EPHB3: variants seen among roughly 807,000 people sequenced by gnomAD.
EPHB3 encodes ephrin type-B receptor 3.
A neutral mutation model predicts 100.2 loss-of-function variants in EPHB3; 33 were observed. The ratio of observed to expected loss-of-function variants is 0.33; its 90% confidence interval spans 0.25 to 0.44. The LOEUF (loss-of-function observed/expected upper bound fraction) is 0.44, where lower values mean the gene tolerates loss of function less well. Ranked by LOEUF, EPHB3 falls within the 20% of genes least tolerant of loss-of-function variation. The pLI is 1.00. For synonymous variants in EPHB3, 526 were observed against 554.7 expected, an observed-to-expected ratio of 0.95 and a Z score of 0.73; for missense variants, 1,045 against 1,378.3, an observed-to-expected ratio of 0.76 and a Z score of 3.83.
chr3:184,581,670 G>A lies in EPHB3; in HGVS notation c.*48G>A. 7 of 1,497,934 alleles carry A rather than the reference G, an allele frequency of 4.7e-6. No homozygotes were observed. The highest frequency in any genetic ancestry group is 6.3e-6 in the Non-Finnish European group (7 of 1,119,884). The allele number at this position is 1,497,934 out of a possible 1,614,324, so 92.8% of individuals were successfully genotyped here. ...GAGGACCGTGCAGGGATGCCAAGCA[G>A]CCGGCTGGACTTTCGGACTCTTGGA... is the stretch of plus-strand genomic sequence containing the variant. On this transcript the variant is annotated 3_prime_UTR_variant, in exon 16 of 16. Coordinates refer to ENST00000330394, the MANE Select transcript of EPHB3 (RefSeq NM_004443.4).
At position 184,581,238 on chromosome 3, in the gene EPHB3, CTCT is replaced by C; in HGVS notation, c.2733-9_2733-7del. The C allele has an allele frequency of 1.3e-6, 2 of 1,598,126 alleles. No individual in the cohort carries two copies. Among genetic ancestry groups the C allele is most frequent in the South Asian group, 2.3e-5 (2 of 88,016 alleles). On this transcript the variant is annotated splice_polypyrimidine_tract_variant and intron_variant, in intron 14 of 15. Coordinates refer to ENST00000330394, the MANE Select transcript of EPHB3 (RefSeq NM_004443.4). ...CACCTTCAAGACTCACCAGGTCCTTCTCTTCTTCCCACAGCATGTCACAGCCCC... is the reference window on the plus strand; with the variant it reads ...CACCTTCAAGACTCACCAGGTCCTTCTCTTCCCACAGCATGTCACAGCCCC...
chr3:184,581,491 T>C (rs914950607), intron 15 of EPHB3, 23 bp from the exon 16 acceptor site: 2 of 1,607,528 alleles, frequency 1.2e-6, no homozygotes, highest in African/African-American at 2.7e-5. Flanking sequence ...AAGGGACTGA[T>C]CCTAATTTGG....
Position 184,578,184 on chromosome 3 carries a change from G to C in EPHB3, c.1748+178G>C, listed in dbSNP as rs187472946. 5 of 866,378 alleles carry C rather than the reference G, an allele frequency of 5.8e-6. No homozygotes were observed. The highest frequency in any genetic ancestry group is 3.4e-4 in the Middle Eastern group (1 of 2,976). The allele number at this position is 866,378 out of a possible 1,614,324, so 53.7% of individuals were successfully genotyped here. ...CCATCCCTGCCTGTGTCTTCATCCC[G>C]CCCTTTCTCCATACCCCATTCCCTG... On this transcript the variant is annotated intron_variant, in intron 8 of 15. Transcript: ENST00000330394. This position sits in a 1 kb window ranked among gnomAD's most constrained non-coding sequence, Gnocchi z 4.7.
At position 184,581,787 on chromosome 3, in the gene EPHB3, C is replaced by T. The variant is rs899111325; in HGVS notation, c.*165C>T. 1 of 666,346 alleles carries T rather than the reference C, an allele frequency of 1.5e-6. No homozygotes were observed. Among genetic ancestry groups the T allele is most frequent in the South Asian group, 2.0e-5 (1 of 49,180 alleles). 41.3% of individuals were successfully genotyped at this position (666,346 alleles called of 1,614,324 possible). ...CTTCTCCAGGCCTGTGTTCCCTCCC[C>T]AGGAAGTGCGCCCCAAACCTCTTCA... is the stretch of plus-strand genomic sequence containing the variant. On this transcript the variant is annotated 3_prime_UTR_variant, in exon 16 of 16. Transcript: ENST00000330394.
At position 184,564,471 on chromosome 3, in the gene EPHB3, C is replaced by A. The variant is rs930710537; in HGVS notation, c.118+2118C>A. On this transcript the variant is annotated intron_variant, in intron 1 of 15. Transcript: ENST00000330394. ...CAGGATAGGAACCGCACCGACCTCG[C>A]AGAGTTCTTCTGAGTACTGAATTCT... Among the ~76,000 whole-genome samples, 9 of 152,354 alleles carry A rather than the reference C, an allele frequency of 5.9e-5. 1 individual carries two copies. In the South Asian group the frequency reaches 1.9e-3, roughly 32 times the overall value.
Position 184,576,992 on chromosome 3 carries a change from C to T in EPHB3, c.1163C>T (p.Ala388Val). The T allele has an allele frequency of 6.2e-7, 1 of 1,613,714 alleles. No individual in the cohort carries two copies. Among genetic ancestry groups the T allele is most frequent in the East Asian group, 2.2e-5 (1 of 44,876 alleles). The stretch of plus-strand genomic sequence containing the variant: ...TGCCATGGGGCTGGAGGGGCCTCAG[C>T]CTGCTCACGCTGTGATGACAACGTG... ...KKCHGAGGAS[A>V]CSRCDDNVEF... The change falls in exon 5 of 16, where the codon GCC (alanine) becomes GTC (valine). Residue 388 changes from alanine (A) to valine (V), a missense_variant. Around this residue, in one of 2 missense-constraint regions of EPHB3, gnomAD observed 985 missense variants for 1,331.1 expected, o/e 0.74. Coordinates refer to ENST00000330394, the MANE Select transcript of EPHB3 (RefSeq NM_004443.4).
At position 184,578,342 on chromosome 3, in the gene EPHB3, C is replaced by G. The variant is rs1413342650; in HGVS notation, c.1749-72C>G. 6.2e-7 allele frequency: 1 copy of G among 1,606,096 alleles called. No individual in the cohort carries two copies. The highest frequency in any genetic ancestry group is 8.5e-7 in the Non-Finnish European group (1 of 1,174,660). On this transcript the variant is annotated intron_variant, in intron 8 of 15. Coordinates refer to ENST00000330394, the MANE Select transcript of EPHB3 (RefSeq NM_004443.4). The surrounding 1 kb of genome is among the most constrained non-coding windows in gnomAD (Gnocchi z 4.7). Reference sequence around the variant, plus strand: ...GTATCCTCTCCGCCCCTTCTGTGAGCCCAAGGGTGCCCTGAACAAAGGGAG... The same window carrying G: ...GTATCCTCTCCGCCCCTTCTGTGAGGCCAAGGGTGCCCTGAACAAAGGGAG...
rs1443657586 is a variant in EPHB3, at chr3:184,573,945, C to T, written c.856+769C>T. Among the ~76,000 whole-genome samples, 2 of 152,096 alleles carry T rather than the reference C, an allele frequency of 1.3e-5. No homozygotes were observed. Among genetic ancestry groups the T allele is most frequent in the East Asian group, 3.9e-4 (2 of 5,188 alleles). ...GGTCAGGCTGGTCTCGAACTCCTGA[C>T]CTCAAGTGATCCACCCGCCTCGGCC... On this transcript the variant is annotated intron_variant, in intron 3 of 15. Transcript: ENST00000330394. This position sits in a 1 kb window ranked among gnomAD's most constrained non-coding sequence, Gnocchi z 4.5.
chr3:184,566,279 G>A (rs1395501974), intron 1 of EPHB3, among the ~76,000 whole-genome samples: 2 of 152,230 alleles, frequency 1.3e-5, no homozygotes, highest in Non-Finnish European at 2.9e-5. Flanking sequence ...GCACCGAGGC[G>A]TTTGGGCTCC....
At position 184,579,570 on chromosome 3, in the gene EPHB3, G is replaced by A; in HGVS notation, c.1895G>A (p.Cys632Tyr). Residue 632 changes from cysteine (C) to tyrosine (Y), a missense_variant, in exon 10 of 16, where the codon TGC (cysteine) becomes TAC (tyrosine). This residue lies in a region of EPHB3 where 985 missense variants were observed against 1,331.1 expected (regional missense o/e 0.74). Coordinates refer to ENST00000330394, the MANE Select transcript of EPHB3 (RefSeq NM_004443.4). This position sits in a 1 kb window ranked among gnomAD's most constrained non-coding sequence, Gnocchi z 5.2. ...TTTGCCAAGGAGATCGACGTGTCCT[G>A]CGTCAAGATCGAGGAGGTGATCGGA... ...REFAKEIDVSCVKIEEVIGAG... is the reference protein window; with the variant it reads ...REFAKEIDVSYVKIEEVIGAG... 1.2e-6 allele frequency: 2 copies of A among 1,614,044 alleles called. No homozygotes were observed. The highest frequency in any genetic ancestry group is 1.1e-5 in the South Asian group (1 of 91,070).
chr3:184,573,507 C>T lies in EPHB3; in HGVS notation c.856+331C>T, dbSNP rs570050424. Among the ~76,000 whole-genome samples the T allele has an allele frequency of 2.0e-5, 3 of 152,248 alleles. No individual in the cohort carries two copies. Among genetic ancestry groups the T allele is most frequent in the East Asian group, 1.9e-4 (1 of 5,170 alleles). The stretch of plus-strand genomic sequence containing the variant: ...GCTGGCAGAGATGCTCGCTTTGTCC[C>T]GGCCTGAGTGTATGCTTCACCCTGA... On this transcript the variant is annotated intron_variant, in intron 3 of 15. Transcript: ENST00000330394. This position sits in a 1 kb window ranked among gnomAD's most constrained non-coding sequence, Gnocchi z 4.5.
chr3:184,569,145 A>G lies in EPHB3; in HGVS notation c.119-2173A>G, dbSNP rs1714473776. 6.6e-6 allele frequency among the ~76,000 whole-genome samples: 1 copy of G among 151,982 alleles called. No individual in the cohort carries two copies. On this transcript the variant is annotated intron_variant, in intron 1 of 15. Coordinates refer to ENST00000330394, the MANE Select transcript of EPHB3 (RefSeq NM_004443.4). This position sits in a 1 kb window ranked among gnomAD's most constrained non-coding sequence, Gnocchi z 5.4. ...AGGAAGTGAGGGAGAGGGAGGAGGG[A>G]GGCGGCGCGAGGGAGCGGCTGGAGC... is the stretch of plus-strand genomic sequence containing the variant.
In EPHB3 at chr3:184,578,532, C is replaced by T; in HGVS notation, c.1801+66C>T. ...CCCTGCAGGGCTCTCAGACACCCTT[C>T]TCCCTGCCTGGGACTTCATTCCTTA... is the stretch of plus-strand genomic sequence containing the variant. On this transcript the variant is annotated intron_variant, in intron 9 of 15. Transcript: ENST00000330394. The surrounding 1 kb of genome is among the most constrained non-coding windows in gnomAD (Gnocchi z 4.7). 6.2e-7 allele frequency: 1 copy of T among 1,601,392 alleles called. No individual in the cohort carries two copies. The highest frequency in any genetic ancestry group is 8.5e-7 in the Non-Finnish European group (1 of 1,169,966).
rs1239801152 is a variant in EPHB3 at position 184,572,190 on chromosome 3, C to G, written c.184-314C>G. On this transcript the variant is annotated intron_variant, in intron 2 of 15. Coordinates refer to ENST00000330394, the MANE Select transcript of EPHB3 (RefSeq NM_004443.4). This position sits in a 1 kb window ranked among gnomAD's most constrained non-coding sequence, Gnocchi z 6.6. Reference sequence around the variant, plus strand: ...TGAGGTATAAAGATAACAAATATAGCTGATGTTCCTGCAGTACTTACCAAG... The same window carrying G: ...TGAGGTATAAAGATAACAAATATAGGTGATGTTCCTGCAGTACTTACCAAG... Among the ~76,000 whole-genome samples, 2 of 152,220 alleles carry G rather than the reference C, an allele frequency of 1.3e-5. No individual in the cohort carries two copies. The highest frequency in any genetic ancestry group is 4.8e-5 in the African/African-American group (2 of 41,462).
Position 184,562,367 on chromosome 3 carries a change from G to T in EPHB3, c.118+14G>T. The T allele has an allele frequency of 1.6e-6, 2 of 1,220,030 alleles. No homozygotes were observed. Among genetic ancestry groups the T allele is most frequent in the Non-Finnish European group, 1.0e-6 (1 of 981,958 alleles). The allele number at this position is 1,220,030 out of a possible 1,614,324, so 75.6% of individuals were successfully genotyped here. ...GGGCGCTGGAAGGTGAGCGGCGTCG[G>T]GGGGCGCGCCCGGGAACAAGGTGCC... On this transcript the variant is annotated intron_variant, in intron 1 of 15. Transcript: ENST00000330394. This position sits in a 1 kb window ranked among gnomAD's most constrained non-coding sequence, Gnocchi z 4.8.
At position 184,582,305 on chromosome 3, in the gene EPHB3, C is replaced by G. The variant is rs939980534; in HGVS notation, c.*683C>G. The G allele has an allele frequency of 6.5e-6, 1 of 153,190 alleles. No individual in the cohort carries two copies. The highest frequency in any genetic ancestry group is 1.5e-5 in the Non-Finnish European group (1 of 68,720). 9.5% of individuals were successfully genotyped at this position (153,190 alleles called of 1,614,324 possible). ...GCGCGCGCGCGCGTGTGTGTGTGCA[C>G]GCACTGGCCTGCACAGAGAGCATGG... On this transcript the variant is annotated 3_prime_UTR_variant, in exon 16 of 16. Transcript: ENST00000330394.
At chr3:184,570,102 C>A (rs182131669) in intron 1 of EPHB3, among the ~76,000 whole-genome samples, 1 of 152,210 alleles carries the variant, frequency 6.6e-6, no homozygotes, top group African/African-American at 2.4e-5. Context: ...GTGAAACAGA[C>A]AAGAAACCAG....
chr3:184,577,917 C>A lies in EPHB3; in HGVS notation c.1659C>A (p.Leu553=). ...CTCCAGGCTCTGGGGCCCAGCAGCT[C>A]CAGGAGCAGCTTCCCCTCATCGTGG... The part of the protein sequence containing the change: ...TSERGSGAQQ[L]QEQLPLIVGS... The change falls in exon 8 of 16, where the codon CTC becomes CTA. Residue 553 remains leucine (L), a synonymous_variant. Coordinates refer to ENST00000330394, the MANE Select transcript of EPHB3 (RefSeq NM_004443.4). The surrounding 1 kb of genome is among the most constrained non-coding windows in gnomAD (Gnocchi z 4.9). 1 of 1,613,968 alleles carries A rather than the reference C, an allele frequency of 6.2e-7. No homozygotes were observed. The highest frequency in any genetic ancestry group is 8.5e-7 in the Non-Finnish European group (1 of 1,179,930).
Position 184,577,969 on chromosome 3 carries a change from G to T in EPHB3, c.1711G>T (p.Val571Leu), listed in dbSNP as rs147361564. 6.2e-7 allele frequency: 1 copy of T among 1,613,862 alleles called. No individual in the cohort carries two copies. Among genetic ancestry groups the T allele is most frequent in the African/African-American group, 1.3e-5 (1 of 74,886 alleles). ...VGSATAGLVFVVAVVVIAIVC... is the reference protein window; with the variant it reads ...VGSATAGLVFLVAVVVIAIVC... ...CTCCGCTACAGCTGGGCTTGTCTTCGTGGTGGCTGTCGTGGTCATCGCTAT... is the reference window on the plus strand; with the variant it reads ...CTCCGCTACAGCTGGGCTTGTCTTCTTGGTGGCTGTCGTGGTCATCGCTAT... Residue 571 changes from valine to leucine, a missense_variant, in exon 8 of 16, where the codon GTG becomes TTG. This residue lies in a region of EPHB3 where 985 missense variants were observed against 1,331.1 expected (regional missense o/e 0.74). Transcript: ENST00000330394. This position sits in a 1 kb window ranked among gnomAD's most constrained non-coding sequence, Gnocchi z 4.9.
Sources: allele counts gnomAD v4.1 joint callset (sites outside exome capture counted in the v4.1 genomes callset), GRCh38; gene constraint gnomAD v4.1.1; regional missense constraint gnomAD v4.1.1; non-coding constraint Gnocchi (gnomAD v3.1); transcripts MANE v1.5; gene names NCBI Gene and HGNC (gene_info 2026-07-23, HGNC 2026-07-21).